KIAA0930: variants seen among roughly 807,000 people sequenced by gnomAD.
KIAA0930 encodes KIAA0930.
In KIAA0930, 24 loss-of-function variants were observed where a neutral mutation model predicts 43.9. The ratio of observed to expected loss-of-function variants is 0.55; its 90% CI spans 0.40 to 0.77. KIAA0930 has a LOEUF of 0.77. KIAA0930 is among the 30% of genes least tolerant of loss of function. KIAA0930 has a pLI of 0.00. For synonymous variants in KIAA0930, 259 were observed against 216.4 expected, an observed-to-expected ratio of 1.20 and a Z score of -1.73; for missense variants, 461 against 574.2, an observed-to-expected ratio of 0.80 and a Z score of 2.02.
Position 45,199,867 on chromosome 22 carries a change from G to T in KIAA0930, c.1015+6C>A, listed in dbSNP as rs773018280. 3 of 1,563,020 alleles carry T rather than the reference G, an allele frequency of 1.9e-6. No individual in the cohort carries two copies. The highest frequency in any genetic ancestry group is 2.6e-6 in the Non-Finnish European group (3 of 1,148,510). ...GGGGACCCTAGGGCACGGAGTGGGG[G>T]GTCACCTCCACCGTCGTCCTCCCGG... On this transcript the variant is annotated splice_donor_region_variant and intron_variant, in intron 8 of 9. Coordinates refer to ENST00000336156, the MANE Select transcript of KIAA0930 (RefSeq NM_001009880.2).
At chr22:45,237,889 G>A (rs1004719846) in intron 1 of KIAA0930, among the ~76,000 whole-genome samples, 1 of 151,314 alleles carries the variant, frequency 6.6e-6, no homozygotes, top group African/African-American at 2.4e-5. Context: ...CTCACCCCTC[G>A]CTGAACATCA....
chr22:45,203,160 G>A lies in KIAA0930; in HGVS notation c.682C>T (p.Gln228Ter). 6.2e-7 allele frequency: 1 copy of A among 1,609,638 alleles called. No individual in the cohort carries two copies. Among genetic ancestry groups the A allele is most frequent in the Non-Finnish European group, 8.5e-7 (1 of 1,177,400 alleles). ...NRVSVAARMA[Q>*]KMSFGFYKYS... ...TTGTAGAAGCCAAACGACATCTTCTGTGCCATGCGGGCGGCCACGCTCACC... is the reference window on the plus strand; with the variant it reads ...TTGTAGAAGCCAAACGACATCTTCTATGCCATGCGGGCGGCCACGCTCACC... The change falls in exon 7 of 10, where the codon CAG becomes TAG. Residue 228 changes from glutamine (Q) to a stop codon, truncating the protein, a stop_gained. Transcript: ENST00000336156. LOFTEE classifies it high-confidence loss of function.
intron 2 of KIAA0930, among the ~76,000 whole-genome samples, chr22:45,209,321 G>A (rs750036132): frequency 8.0e-4 from 42 of 52,550 alleles, no homozygotes; most frequent in Non-Finnish European, 1.1e-3. Flanking sequence ...GCTTTTGCCA[G>A]GGGGGGTCTC....
intron 1 of KIAA0930, chr22:45,226,432 C>CG (rs1443995663): frequency 4.8e-6 from 2 of 418,322 alleles, no homozygotes; most frequent in Non-Finnish European, 1.0e-5. Flanking sequence ...CCTTGCATGG[C>CG]GGGGGAGGCT....
intron 2 of KIAA0930, 71 bp from the exon 3 acceptor site, chr22:45,205,983 G>A (rs568586264): frequency 1.3e-6 from 2 of 1,581,772 alleles, no homozygotes; most frequent in African/African-American, 1.3e-5. Flanking sequence ...TGACTACTAT[G>A]CAGGCATTAC....
intron 1 of KIAA0930, among the ~76,000 whole-genome samples, chr22:45,219,108 G>A (rs1438002003): frequency 6.6e-6 from 1 of 152,238 alleles, no homozygotes; most frequent in East Asian, 1.9e-4. Flanking sequence ...GGGGAAGACT[G>A]TCAGATTGGA....
At chr22:45,203,346 A>G (rs1356535095) in intron 6 of KIAA0930, among the ~76,000 whole-genome samples, 162 bp from the exon 7 acceptor site, 1 of 152,126 alleles carries the variant, frequency 6.6e-6, no homozygotes, top group Non-Finnish European at 1.5e-5. Flanking sequence ...ATGGACCCAC[A>G]TCTCTGCCTG....
intron 9 of KIAA0930, 140 bp from the exon 10 acceptor site, chr22:45,197,356 G>C (rs957503781): frequency 1.4e-6 from 1 of 720,022 alleles, no homozygotes; most frequent in Non-Finnish European, 2.3e-6. Context: ...GACTGCAGAG[G>C]AGACGTGTCT....
intron 1 of KIAA0930, among the ~76,000 whole-genome samples, chr22:45,228,222 A>C (rs1370851810): frequency 1.3e-5 from 2 of 152,086 alleles, no homozygotes; most frequent in East Asian, 3.9e-4. Context: ...CCCGATCCCC[A>C]GCACACACAG....
intron 1 of KIAA0930, among the ~76,000 whole-genome samples, chr22:45,232,475 G>C (rs1047412955): frequency 3.9e-5 from 6 of 152,206 alleles, no homozygotes; most frequent in African/African-American, 1.4e-4. Context: ...GGCAGCACTG[G>C]TGAGATCAGG....
intron 1 of KIAA0930, chr22:45,235,560 G>A (rs193215028): frequency 2.1e-4 from 19 of 91,470 alleles, no homozygotes; most frequent in African/African-American, 5.8e-4. Flanking sequence ...AGGAGTGCAG[G>A]GAGAGCTTCC....
At chr22:45,232,715 AGGAAG>A (rs1263958576) in intron 1 of KIAA0930, among the ~76,000 whole-genome samples, 31 of 152,338 alleles carry the variant, frequency 2.0e-4, no homozygotes, top group Admixed American at 1.7e-3. Context: ...CATCAGGCAC[AGGAAG>A]CCTGGAGTCA....
At chr22:45,213,406 GT>G in intron 1 of KIAA0930, 1 of 1,301,036 alleles carries the variant, frequency 7.7e-7, no homozygotes, top group East Asian at 5.6e-5. Context: ...GAGGGTCTGG[GT>G]CAGCGAGCCT....
intron 1 of KIAA0930, among the ~76,000 whole-genome samples, chr22:45,238,759 T>A (rs553907578): frequency 3.3e-5 from 5 of 152,044 alleles, no homozygotes; most frequent in Admixed American, 2.0e-4. Flanking sequence ...CGTAGGCACA[T>A]AAAGACCTGG....
At chr22:45,239,770 G>C (rs972460533) in intron 1 of KIAA0930, among the ~76,000 whole-genome samples, 1 of 152,200 alleles carries the variant, frequency 6.6e-6, no homozygotes, top group African/African-American at 2.4e-5. Context: ...TAGCCTGGGG[G>C]TGGGGTGGGG....
intron 2 of KIAA0930, among the ~76,000 whole-genome samples, chr22:45,211,730 G>A (rs2083695371): frequency 6.6e-6 from 1 of 152,198 alleles, no homozygotes; most frequent in African/African-American, 2.4e-5. Flanking sequence ...CTGCCCTTCA[G>A]GGTCACAGTG....
At chr22:45,213,338 C>T (rs1207161910) in intron 1 of KIAA0930, 3 of 1,303,762 alleles carry the variant, frequency 2.3e-6, no homozygotes, top group East Asian at 1.1e-4. Context: ...CATGCCCTGC[C>T]TGGCTCCTGG....
At chr22:45,201,068 G>A (rs752613262) in intron 7 of KIAA0930, 9 of 489,760 alleles carry the variant, frequency 1.8e-5, no homozygotes, top group African/African-American at 1.6e-4. Context: ...CTGAGACTTC[G>A]GGAGCCCCGT....
intron 7 of KIAA0930, among the ~76,000 whole-genome samples, chr22:45,201,974 C>CG (rs150380043): frequency 0.036 from 5,413 of 152,334 alleles, 327 homozygotes; most frequent in African/African-American, 0.12. Context: ...GGCCAAGCCC[C>CG]GGATTCCTCA....
Sources: gnomAD v4.1 joint callset for allele counts (sites outside exome capture counted in the v4.1 genomes callset) on GRCh38, gnomAD v4.1.1 for gene constraint, MANE v1.5 for transcripts, NCBI Gene and HGNC (gene_info 2026-07-23, HGNC 2026-07-21) for gene names.